KCNK9: variants seen among roughly 807,000 people sequenced by gnomAD.
KCNK9 encodes the protein potassium channel subfamily K member 9.
In KCNK9, 1 loss-of-function variant was observed where a neutral mutation model predicts 10.8. That is an observed-to-expected ratio of 0.09 (90% confidence interval 0.03 to 0.44). The LOEUF is 0.44. Ranked by LOEUF, KCNK9 falls within the 20% of genes least tolerant of loss-of-function variation. The pLI, the probability that KCNK9 is intolerant of heterozygous loss-of-function variation, is 0.97. For synonymous variants in KCNK9, 231 were observed against 222.7 expected (o/e 1.04, Z -0.33); for missense variants, 303 against 515.0 (o/e 0.59, Z 3.98).
At chr8:139,623,796 G>T (rs1764715462) in intron 1 of KCNK9, among the ~76,000 whole-genome samples, 1 of 152,126 alleles carries the variant, frequency 6.6e-6, no homozygotes, top group African/African-American at 2.4e-5. Flanking sequence ...CTTTGGCAAT[G>T]AGACTTCTGA....
chr8:139,624,538 G>C (rs1251531842), intron 1 of KCNK9, among the ~76,000 whole-genome samples: 1 of 152,176 alleles, frequency 6.6e-6, no homozygotes, highest in Non-Finnish European at 1.5e-5. Context: ...CCCTCCCCTG[G>C]CCTGCTCAGC....
At chr8:139,647,578 G>A (rs758305020) in intron 1 of KCNK9, among the ~76,000 whole-genome samples, 16 of 152,170 alleles carry the variant, frequency 1.1e-4, no homozygotes, top group Admixed American at 3.3e-4. Flanking sequence ...CAAAGGCCCT[G>A]AGACACCTAC....
At chr8:139,625,903 C>T (rs1427203855) in intron 1 of KCNK9, among the ~76,000 whole-genome samples, 1 of 152,172 alleles carries the variant, frequency 6.6e-6, no homozygotes, top group Non-Finnish European at 1.5e-5. Context: ...TGCAAGATTT[C>T]CCAGAAGTCA....
intron 1 of KCNK9, among the ~76,000 whole-genome samples, chr8:139,632,945 C>A (rs2129636454): frequency 6.6e-6 from 1 of 152,288 alleles, no homozygotes; most frequent in South Asian, 2.1e-4. Flanking sequence ...TACAGACAGG[C>A]CCACCCCGCT....
chr8:139,671,628 C>T (rs1457058781), intron 1 of KCNK9, among the ~76,000 whole-genome samples: 1 of 151,838 alleles, frequency 6.6e-6, no homozygotes, highest in Non-Finnish European at 1.5e-5. Context: ...AGCGATTATC[C>T]TGCCTCAGCC....
chr8:139,656,933 G>A (rs1816037880), intron 1 of KCNK9, among the ~76,000 whole-genome samples: 2 of 152,112 alleles, frequency 1.3e-5, no homozygotes, highest in Admixed American at 6.5e-5. Context: ...TCCCTTGCAG[G>A]CTCAGCCCTC....
intron 1 of KCNK9, among the ~76,000 whole-genome samples, chr8:139,661,515 C>G (rs1170992712): frequency 6.6e-6 from 1 of 152,194 alleles, no homozygotes; most frequent in African/African-American, 2.4e-5. Context: ...GGGAAGCAAG[C>G]AGAGCCCACA....
chr8:139,636,260 C>T (rs532495636), intron 1 of KCNK9, among the ~76,000 whole-genome samples: 2 of 152,342 alleles, frequency 1.3e-5, no homozygotes, highest in African/African-American at 2.4e-5. Context: ...AGGCTAAGTA[C>T]CCTGTCACAG....
At chr8:139,662,629 C>G (rs1008139329) in intron 1 of KCNK9, among the ~76,000 whole-genome samples, 1 of 152,064 alleles carries the variant, frequency 6.6e-6, no homozygotes, top group Admixed American at 6.5e-5. Context: ...GTCAGCCATA[C>G]CCCACCCCCT....
chr8:139,699,420 C>T (rs535046027), intron 1 of KCNK9, among the ~76,000 whole-genome samples: 30 of 151,932 alleles, frequency 2.0e-4, no homozygotes, highest in African/African-American at 3.1e-4. Flanking sequence ...GGTGGTGGGG[C>T]GGGGGTTGGG....
intron 1 of KCNK9, among the ~76,000 whole-genome samples, chr8:139,682,045 C>A (rs553279529): frequency 5.9e-5 from 9 of 152,302 alleles, no homozygotes; most frequent in East Asian, 3.9e-4. Flanking sequence ...TCAGCAGGCA[C>A]CTCGGGCTGA....
chr8:139,651,253 G>A (rs912185670), intron 1 of KCNK9, among the ~76,000 whole-genome samples: 1 of 152,152 alleles, frequency 6.6e-6, no homozygotes, highest in African/African-American at 2.4e-5. Context: ...TCAGAAACAC[G>A]AGCATGTGTC....
At chr8:139,682,413 G>A (rs1347426597) in intron 1 of KCNK9, among the ~76,000 whole-genome samples, 2 of 152,154 alleles carry the variant, frequency 1.3e-5, no homozygotes, top group Non-Finnish European at 2.9e-5. Context: ...CACGACACAG[G>A]GTGGCAGGTG....
chr8:139,660,562 A>G (rs7818810), intron 1 of KCNK9, among the ~76,000 whole-genome samples: 37,649 of 151,298 alleles, frequency 0.25, 5,062 homozygotes, highest in South Asian at 0.36. Context: ...CAGAGGTTGC[A>G]GTGAGCCAAG....
intron 1 of KCNK9, among the ~76,000 whole-genome samples, chr8:139,645,205 C>T (rs946116852): frequency 3.9e-5 from 6 of 152,306 alleles, no homozygotes; most frequent in South Asian, 2.1e-4. Context: ...GCTGTGGGCC[C>T]GAGGAAGACC....
rs780123996 is a variant in KCNK9 at position 139,674,980 on chromosome 8, G to A, written c.283+27730C>T. Among the ~76,000 whole-genome samples, 38 of 151,804 alleles carry A rather than the reference G, an allele frequency of 2.5e-4. 1 individual carries two copies. The South Asian group carries it at 3.3e-3, about 13-fold the overall frequency. On this transcript the variant is annotated intron_variant, in intron 1 of 1. Coordinates refer to ENST00000520439, the MANE Select transcript of KCNK9 (RefSeq NM_001282534.2). ...CCTCACTGACAAGAGACACAGTTCC[G>A]AGTGTCTGCTGTCACCCCCAGAAAT...
intron 1 of KCNK9, among the ~76,000 whole-genome samples, chr8:139,681,196 AC>A (rs1344212065): frequency 6.6e-6 from 1 of 152,106 alleles, no homozygotes; most frequent in Admixed American, 6.6e-5. Flanking sequence ...TCATCATTCC[AC>A]CCATTTTACA....
At chr8:139,660,771 G>T (rs1156334994) in intron 1 of KCNK9, among the ~76,000 whole-genome samples, 3 of 152,168 alleles carry the variant, frequency 2.0e-5, no homozygotes, top group African/African-American at 7.2e-5. Flanking sequence ...TGGACAGGTT[G>T]TTTTGAGAAG....
rs530421253 is a variant in KCNK9 at position 139,703,033 on chromosome 8, G to A, written c.-41C>T. ...GCCGGCGCGGGGGGCATGTCCCGCA[G>A]GCTCACAGCCGCGCGCGTCCCACTG... On this transcript the variant is annotated 5_prime_UTR_variant, in exon 1 of 2. Coordinates refer to ENST00000520439, the MANE Select transcript of KCNK9 (RefSeq NM_001282534.2). The surrounding 1 kb of genome is among the most constrained non-coding windows in gnomAD (Gnocchi z 6.4). 6.5e-7 allele frequency: 1 copy of A among 1,534,018 alleles called. No individual in the cohort carries two copies. The highest frequency in any genetic ancestry group is 1.2e-5 in the South Asian group (1 of 83,344).
Sources: allele counts gnomAD v4.1 joint callset (sites outside exome capture counted in the v4.1 genomes callset), GRCh38; gene constraint gnomAD v4.1.1; non-coding constraint Gnocchi (gnomAD v3.1); transcripts MANE v1.5; gene names NCBI Gene and HGNC (gene_info 2026-07-23, HGNC 2026-07-21).